ADAMTS17: variants seen among roughly 807,000 people sequenced by gnomAD.
ADAMTS17 encodes ADAM metallopeptidase with thrombospondin type 1 motif 17.
Under a neutral mutation model 141.5 loss-of-function variants are expected in ADAMTS17, and 113 were observed. The observed-to-expected ratio is 0.80, with a 90% CI of 0.69 to 0.93. The LOEUF (loss-of-function observed/expected upper bound fraction) is 0.93. Ranked by LOEUF, ADAMTS17 falls within the 40% of genes least tolerant of loss-of-function variation. The pLI, the probability that ADAMTS17 is intolerant of heterozygous loss-of-function variation, is 0.00. For missense variants in ADAMTS17, 1,659 were observed against 1,517.9 expected (o/e 1.09, Z -1.54); for synonymous variants, 768 against 630.6 (o/e 1.22, Z -3.27).
At chr15:100,303,969 C>T (rs1398786057) in intron 3 of ADAMTS17, among the ~76,000 whole-genome samples, 1 of 152,208 alleles carries the variant, frequency 6.6e-6, no homozygotes, top group Non-Finnish European at 1.5e-5. Flanking sequence ...GGTGATCCAC[C>T]CGCTTCGGCC....
At chr15:100,241,535 A>G (rs1303683078) in intron 7 of ADAMTS17, among the ~76,000 whole-genome samples, 1 of 152,174 alleles carries the variant, frequency 6.6e-6, no homozygotes, top group Non-Finnish European at 1.5e-5. Flanking sequence ...TGTAACATCC[A>G]ATGTTTCAGG....
At chr15:100,018,653 C>T (rs556576727) in intron 18 of ADAMTS17, among the ~76,000 whole-genome samples, 1 of 152,328 alleles carries the variant, frequency 6.6e-6, no homozygotes, top group East Asian at 1.9e-4. Flanking sequence ...GTACAGCCTG[C>T]AGAATTGTGT....
intron 15 of ADAMTS17, among the ~76,000 whole-genome samples, chr15:100,067,932 C>T (rs767049865): frequency 5.3e-5 from 8 of 152,086 alleles, no homozygotes; most frequent in East Asian, 1.9e-4. Flanking sequence ...GTGCACTGAG[C>T]GTGAGCTGAA....
At position 100,341,861 on chromosome 15, in the gene ADAMTS17, G is replaced by C. The variant is rs777495576; in HGVS notation, c.39C>G (p.Pro13=). 6.4e-7 allele frequency: 1 copy of C among 1,553,048 alleles called. No homozygotes were observed. Among genetic ancestry groups the C allele is most frequent in the African/African-American group, 1.4e-5 (1 of 73,102 alleles). Residue 13 remains proline (P), a synonymous_variant, in exon 1 of 22, where the codon CCC becomes CCG. Coordinates refer to ENST00000268070, the MANE Select transcript of ADAMTS17 (RefSeq NM_139057.4). ...DGALLPPLVL[P]VLLLLVWGLD... ...GTCCCCAAACCAGCAGCAGCAGCAC[G>C]GGCAGGACGAGCGGAGGCAGCAGGG...
chr15:100,304,715 G>A (rs1043989653), intron 3 of ADAMTS17, among the ~76,000 whole-genome samples: 3 of 152,126 alleles, frequency 2.0e-5, no homozygotes, highest in East Asian at 1.9e-4. Flanking sequence ...CTGTACTGCC[G>A]CCTTTGTGCA....
chr15:100,139,684 G>A (rs1028444903), intron 10 of ADAMTS17, among the ~76,000 whole-genome samples: 2 of 152,188 alleles, frequency 1.3e-5, no homozygotes, highest in African/African-American at 4.8e-5. Flanking sequence ...TCACCTCTGT[G>A]GTATCCTTCC....
intron 9 of ADAMTS17, among the ~76,000 whole-genome samples, chr15:100,152,975 A>AAAGAGAATACGTGCCTGGG: frequency 1.3e-5 from 2 of 151,258 alleles, no homozygotes; most frequent in East Asian, 3.9e-4. Context: ...TTCGCTCTGA[A>AAAGAGAATACGTGCCTGGG]GGTAGTAAGA....
At chr15:100,118,160 T>C (rs914648276) in intron 12 of ADAMTS17, among the ~76,000 whole-genome samples, 1 of 152,188 alleles carries the variant, frequency 6.6e-6, no homozygotes, top group Non-Finnish European at 1.5e-5. Flanking sequence ...TATTTTTGGT[T>C]TTGTGGGCCA....
intron 10 of ADAMTS17, among the ~76,000 whole-genome samples, chr15:100,151,263 T>C (rs2039150363): frequency 6.6e-6 from 1 of 152,130 alleles, no homozygotes. Flanking sequence ...TGGATAAACG[T>C]CCTTTGGGGA....
chr15:100,024,728 T>C (rs1459953550), intron 18 of ADAMTS17, among the ~76,000 whole-genome samples: 1 of 152,226 alleles, frequency 6.6e-6, no homozygotes, highest in Admixed American at 6.5e-5. Context: ...TTGTGTCTTC[T>C]TTCTGCCTAT....
intron 2 of ADAMTS17, among the ~76,000 whole-genome samples, chr15:100,338,218 G>A (rs531658497): frequency 6.6e-6 from 1 of 152,244 alleles, no homozygotes; most frequent in South Asian, 2.1e-4. Context: ...AAAGGAAAAG[G>A]AGCAAAAATG....
intron 14 of ADAMTS17, among the ~76,000 whole-genome samples, chr15:100,099,239 G>A (rs971429834): frequency 6.6e-6 from 1 of 152,202 alleles, no homozygotes; most frequent in Non-Finnish European, 1.5e-5. Context: ...GAGGCTGTCT[G>A]CATCTGGAGA....
intron 18 of ADAMTS17, among the ~76,000 whole-genome samples, chr15:100,001,994 C>CAA (rs71151931): frequency 0.025 from 1,451 of 57,982 alleles, 69 homozygotes; most frequent in Middle Eastern, 0.1. Context: ...AGGCCAAACC[C>CAA]AAAAAAAAAA....
At chr15:100,259,583 G>A (rs59242439) in intron 6 of ADAMTS17, among the ~76,000 whole-genome samples, 6,413 of 152,288 alleles carry the variant, frequency 0.042, 352 homozygotes, top group East Asian at 0.3. Flanking sequence ...TGTCATAGAC[G>A]ATCAGAATTA....
intron 18 of ADAMTS17, among the ~76,000 whole-genome samples, chr15:100,019,775 G>A (rs2061367221): frequency 6.6e-6 from 1 of 152,218 alleles, no homozygotes; most frequent in African/African-American, 2.4e-5. Flanking sequence ...TCTAGTCTAG[G>A]ACTTTACACT....
At chr15:100,099,983 T>C (rs865814489) in intron 14 of ADAMTS17, among the ~76,000 whole-genome samples, 1 of 152,242 alleles carries the variant, frequency 6.6e-6, no homozygotes, top group Non-Finnish European at 1.5e-5. Context: ...AACAGCCTCC[T>C]GGTCATCACA....
intron 10 of ADAMTS17, among the ~76,000 whole-genome samples, chr15:100,146,036 G>A (rs1567250997): frequency 6.6e-6 from 1 of 152,188 alleles, no homozygotes; most frequent in Non-Finnish European, 1.5e-5. Flanking sequence ...AGCTGGGTGT[G>A]GTGGCGCATG....
At chr15:100,177,134 C>G (rs901623251) in intron 8 of ADAMTS17, among the ~76,000 whole-genome samples, 1 of 152,234 alleles carries the variant, frequency 6.6e-6, no homozygotes, top group Admixed American at 6.5e-5. Context: ...AAATGCACAA[C>G]AGTGCAATTG....
At chr15:100,204,429 T>C (rs1422045793) in intron 7 of ADAMTS17, among the ~76,000 whole-genome samples, 5 of 152,194 alleles carry the variant, frequency 3.3e-5, no homozygotes, top group Admixed American at 6.5e-5. Flanking sequence ...ACACCAACCA[T>C]AGTCATGGAT....
Sources: gnomAD v4.1 joint callset for allele counts (sites outside exome capture counted in the v4.1 genomes callset) on GRCh38, gnomAD v4.1.1 for gene constraint, MANE v1.5 for transcripts, NCBI Gene and HGNC (gene_info 2026-07-23, HGNC 2026-07-21) for gene names.